Variants in CALN1 observed in about 807,000 individuals in gnomAD.
CALN1 encodes the protein calneuron 1.
Under a neutral mutation model 30.6 loss-of-function variants are expected in CALN1, and 17 were observed. The observed-to-expected ratio is 0.56, with a 90% CI of 0.38 to 0.83. The LOEUF is 0.83. CALN1 is among the 40% of genes least tolerant of loss of function. The pLI is 0.00. For synonymous variants in CALN1, 156 were observed against 131.4 expected (o/e 1.19, Z -1.28); for missense variants, 291 against 354.9 (o/e 0.82, Z 1.45).
At chr7:72,101,638 A>T (rs553357441) in intron 4 of CALN1, among the ~76,000 whole-genome samples, 4 of 152,302 alleles carry the variant, frequency 2.6e-5, no homozygotes, top group African/African-American at 9.6e-5. Context: ...CATTCACCAT[A>T]TGGTCACCCT....
chr7:72,106,473 A>G (rs1429090254), intron 3 of CALN1, among the ~76,000 whole-genome samples, 179 bp from the exon 4 acceptor site: 3 of 151,702 alleles, frequency 2.0e-5, no homozygotes, highest in Non-Finnish European at 4.4e-5. Flanking sequence ...CGAAGAAAAG[A>G]AAAAGGAAAG....
intron 3 of CALN1, among the ~76,000 whole-genome samples, chr7:72,120,728 G>C (rs768265614): frequency 2.0e-5 from 3 of 152,072 alleles, no homozygotes; most frequent in Admixed American, 6.6e-5. Flanking sequence ...CTATCTCTTA[G>C]GTTTTAGTTC....
At chr7:72,404,079 C>T (rs1035692256) in intron 1 of CALN1, among the ~76,000 whole-genome samples, 1 of 152,194 alleles carries the variant, frequency 6.6e-6, no homozygotes, top group African/African-American at 2.4e-5. Context: ...CCTCTTTCTA[C>T]CTCTCTCTGG....
At chr7:72,042,852 G>C (rs1402540699) in intron 4 of CALN1, among the ~76,000 whole-genome samples, 1 of 152,084 alleles carries the variant, frequency 6.6e-6, no homozygotes, top group East Asian at 1.9e-4. Context: ...GGAATGGTGG[G>C]ACCCCTCCAA....
intron 1 of CALN1, among the ~76,000 whole-genome samples, chr7:72,408,988 T>C (rs530376640): frequency 6.6e-6 from 1 of 151,208 alleles, no homozygotes; most frequent in East Asian, 2.0e-4. Context: ...CCAAGTATAC[T>C]TTTTTTGGGG....
At chr7:72,500,689 TAAAAA>T in the CALN1 span, among the ~76,000 whole-genome samples, 1 of 151,058 alleles carries the variant, frequency 6.6e-6, no homozygotes, top group Non-Finnish European at 1.5e-5. Context: ...TCTTAAAATC[TAAAAA>T]AAAAACTAAA....
intron 3 of CALN1, among the ~76,000 whole-genome samples, chr7:72,239,016 G>A (rs561942264): frequency 6.6e-6 from 1 of 152,286 alleles, no homozygotes; most frequent in African/African-American, 2.4e-5. Context: ...TAAACAGCCT[G>A]ACTCTTCACA....
At chr7:72,028,763 G>A (rs1285404155) in intron 4 of CALN1, among the ~76,000 whole-genome samples, 1 of 152,198 alleles carries the variant, frequency 6.6e-6, no homozygotes, top group African/African-American at 2.4e-5. Context: ...GGCCGAGATG[G>A]GTGGGTCACT....
the CALN1 span, among the ~76,000 whole-genome samples, chr7:72,494,246 G>T: frequency 6.6e-6 from 1 of 152,128 alleles, no homozygotes; most frequent in Non-Finnish European, 1.5e-5. Context: ...ATGGATGTTC[G>T]TGCATTCGGG....
chr7:72,076,857 T>A (rs1455931893), intron 4 of CALN1, among the ~76,000 whole-genome samples: 1 of 152,150 alleles, frequency 6.6e-6, no homozygotes, highest in Admixed American at 6.5e-5. Flanking sequence ...CAGAAACAAG[T>A]TGAAAACACA....
intron 5 of CALN1, among the ~76,000 whole-genome samples, chr7:71,828,993 T>A (rs1346452311): frequency 6.6e-6 from 1 of 151,792 alleles, no homozygotes; most frequent in East Asian, 1.9e-4. Context: ...AGGTGATCCA[T>A]CTCGGCCTCC....
chr7:71,995,054 G>A (rs778366043), intron 5 of CALN1, among the ~76,000 whole-genome samples: 3 of 152,080 alleles, frequency 2.0e-5, no homozygotes, highest in South Asian at 2.1e-4. Flanking sequence ...GGGTTTCACC[G>A]TGGTAGTCAG....
chr7:72,414,210 C>T (rs943566057), upstream of CALN1, among the ~76,000 whole-genome samples: 1 of 152,122 alleles, frequency 6.6e-6, no homozygotes, highest in African/African-American at 2.4e-5. Context: ...GAGCCAGAGG[C>T]CCATGGGCCT....
chr7:72,242,502 G>C (rs910387183), intron 3 of CALN1, among the ~76,000 whole-genome samples: 2 of 152,154 alleles, frequency 1.3e-5, no homozygotes, highest in African/African-American at 2.4e-5. Flanking sequence ...ATCTGGAAAT[G>C]TCAGGTTTTT....
chr7:72,363,499 A>G (rs913161710), intron 2 of CALN1, among the ~76,000 whole-genome samples: 1 of 152,052 alleles, frequency 6.6e-6, no homozygotes, highest in Non-Finnish European at 1.5e-5. Flanking sequence ...TTGGCTGCCC[A>G]TAGTGTTGGG....
intron 5 of CALN1, among the ~76,000 whole-genome samples, chr7:71,843,556 G>A (rs974567850): frequency 1.3e-5 from 2 of 152,062 alleles, no homozygotes; most frequent in African/African-American, 4.8e-5. Flanking sequence ...CCAGGAAATC[G>A]AGGCTGCTGT....
chr7:72,125,331 T>G (rs562202459), intron 3 of CALN1, among the ~76,000 whole-genome samples: 1 of 152,290 alleles, frequency 6.6e-6, no homozygotes, highest in South Asian at 2.1e-4. Context: ...GTTTTATCTA[T>G]CAGATGCAAA....
At chr7:71,802,956 G>A (rs1258428655) in intron 6 of CALN1, among the ~76,000 whole-genome samples, 6 of 152,084 alleles carry the variant, frequency 3.9e-5, no homozygotes, top group African/African-American at 1.4e-4. Flanking sequence ...CCAAGGAGGT[G>A]GAGGTTGCAG....
chr7:71,962,330 G>A (rs1797289287), intron 5 of CALN1, among the ~76,000 whole-genome samples: 1 of 152,174 alleles, frequency 6.6e-6, no homozygotes, highest in Admixed American at 6.5e-5. Context: ...TTGAGCCCAG[G>A]AGTTTGAGGC....
Sources: gnomAD v4.1 joint callset for allele counts (sites outside exome capture counted in the v4.1 genomes callset) on GRCh38, gnomAD v4.1.1 for gene constraint, MANE v1.5 for transcripts, NCBI Gene and HGNC (gene_info 2026-07-23, HGNC 2026-07-21) for gene names.